The following PALD1 variants were observed in gnomAD, a reference collection of about 807,000 sequenced individuals.
PALD1 encodes phosphatase domain containing paladin 1, also known as paladin.
A neutral mutation model predicts 96.0 loss-of-function variants in PALD1; 57 were observed. That is an observed-to-expected ratio of 0.59 (90% CI 0.48 to 0.74). The LOEUF (loss-of-function observed/expected upper bound fraction) is 0.74. Ranked by LOEUF, PALD1 falls within the 30% of genes least tolerant of loss-of-function variation. The pLI is 0.00. For synonymous variants in PALD1, 464 were observed against 473.6 expected (o/e 0.98, Z 0.26); for missense variants, 1,063 against 1,143.7 (o/e 0.93, Z 1.02).
At chr10:70,482,318 G>C (rs1382030794) in intron 1 of PALD1, among the ~76,000 whole-genome samples, 1 of 152,228 alleles carries the variant, frequency 6.6e-6, no homozygotes, top group Non-Finnish European at 1.5e-5. Context: ...CCTCTGGGAG[G>C]GGAGCCAGTG....
Position 70,566,781 on chromosome 10 carries a change from G to T in PALD1, c.*48G>T, listed in dbSNP as rs922349800. 7 of 1,382,038 alleles carry T rather than the reference G, an allele frequency of 5.1e-6. No homozygotes were observed. The highest frequency in any genetic ancestry group is 1.3e-5 in the South Asian group (1 of 77,986). The allele number at this position is 1,382,038 out of a possible 1,614,324, so 85.6% of individuals were successfully genotyped here. On this transcript the variant is annotated 3_prime_UTR_variant, in exon 20 of 20. Coordinates refer to ENST00000263563, the MANE Select transcript of PALD1 (RefSeq NM_014431.3). ...CACCCACAGGGCCCCACGCAGGCCTGGGGTGTCTGAGGTGCTCTTGGCTGG... is the reference window on the plus strand; with the variant it reads ...CACCCACAGGGCCCCACGCAGGCCTTGGGTGTCTGAGGTGCTCTTGGCTGG...
chr10:70,458,901 T>C, the PALD1 span, among the ~76,000 whole-genome samples: 1 of 152,226 alleles, frequency 6.6e-6, no homozygotes, highest in Admixed American at 6.5e-5. Flanking sequence ...GGCCCCCATT[T>C]GGTGCCAGGC....
chr10:70,490,448 C>T (rs1425463777), intron 1 of PALD1, among the ~76,000 whole-genome samples: 1 of 152,154 alleles, frequency 6.6e-6, no homozygotes, highest in African/African-American at 2.4e-5. Flanking sequence ...AACTCCTGAG[C>T]TCAGGACTCC....
chr10:70,514,403 A>C (rs577557493), intron 1 of PALD1, among the ~76,000 whole-genome samples: 34 of 152,350 alleles, frequency 2.2e-4, no homozygotes, highest in Non-Finnish European at 2.6e-4. Context: ...ATATAAAAAC[A>C]CTTGAGAAAC....
At chr10:70,496,696 G>C (rs1846201317) in intron 1 of PALD1, among the ~76,000 whole-genome samples, 1 of 152,122 alleles carries the variant, frequency 6.6e-6, no homozygotes, top group Admixed American at 6.6e-5. Flanking sequence ...TTTGGTGCTT[G>C]TGGATAAAGC....
the PALD1 span, among the ~76,000 whole-genome samples, chr10:70,464,233 C>CA: frequency 0.073 from 8,849 of 121,422 alleles, 920 homozygotes; most frequent in East Asian, 0.53. Context: ...TTTTTTGAGA[C>CA]AGAGTTTCAC....
chr10:70,468,640 T>TCAGCC, the PALD1 span, among the ~76,000 whole-genome samples: 2 of 151,860 alleles, frequency 1.3e-5, no homozygotes, highest in African/African-American at 2.4e-5. Flanking sequence ...TGCCCAGGAC[T>TCAGCC]TCTTATGGAC....
chr10:70,524,909 T>G (rs900027158), intron 1 of PALD1, among the ~76,000 whole-genome samples: 2 of 152,204 alleles, frequency 1.3e-5, no homozygotes, highest in African/African-American at 4.8e-5. Flanking sequence ...GAGGGAGCCT[T>G]GCAGGAGGAC....
At position 70,506,982 on chromosome 10, in the gene PALD1, G is replaced by A. The variant is rs75048384; in HGVS notation, c.-29-18941G>A. 8.9e-3 allele frequency among the ~76,000 whole-genome samples: 1,350 copies of A among 152,220 alleles called. 20 individuals are homozygous for A. The highest frequency in any genetic ancestry group is 0.031 in the African/African-American group (1,304 of 41,524). On this transcript the variant is annotated intron_variant, in intron 1 of 19. Coordinates refer to ENST00000263563, the MANE Select transcript of PALD1 (RefSeq NM_014431.3). Reference sequence around the variant, plus strand: ...GGTGGCCACTTATGGACTGTATGTTGTACTGTGGGACCTGGACTAAAACCC... The same window carrying A: ...GGTGGCCACTTATGGACTGTATGTTATACTGTGGGACCTGGACTAAAACCC...
chr10:70,525,787 G>C, intron 1 of PALD1, 136 bp from the exon 2 acceptor site: 1 of 676,912 alleles, frequency 1.5e-6, no homozygotes. Flanking sequence ...CCACGGTGTA[G>C]GAGGCAAGCC....
At chr10:70,556,936 CT>C (rs1035405256) in intron 18 of PALD1, among the ~76,000 whole-genome samples, 2 of 152,332 alleles carry the variant, frequency 1.3e-5, no homozygotes, top group Middle Eastern at 3.4e-3. Context: ...CTCCAGGACC[CT>C]GCCTGGCACA....
At chr10:70,542,428 C>G (rs955251489) in intron 17 of PALD1, among the ~76,000 whole-genome samples, 1 of 152,204 alleles carries the variant, frequency 6.6e-6, no homozygotes, top group South Asian at 2.1e-4. Context: ...CTCTCCTATT[C>G]AGTAATGATT....
chr10:70,561,963 G>A (rs1002557165), intron 18 of PALD1, among the ~76,000 whole-genome samples: 2 of 152,212 alleles, frequency 1.3e-5, no homozygotes, highest in African/African-American at 4.8e-5. Flanking sequence ...GGAGGGCAGG[G>A]CCTGTGAGTA....
chr10:70,549,739 T>C (rs1242517630), intron 18 of PALD1, among the ~76,000 whole-genome samples: 1 of 152,128 alleles, frequency 6.6e-6, no homozygotes, highest in Non-Finnish European at 1.5e-5. Flanking sequence ...TCCCTGGACA[T>C]TGGAGAGGGA....
rs1243372672 is a variant in PALD1, at chr10:70,541,234, C to G, written c.2041C>G (p.His681Asp). ...GGTGGTGGCTGTCCTGGCCTTCTGGCACATCCAAGTACGTGTGGCCTCTCA... is the reference window on the plus strand; with the variant it reads ...GGTGGTGGCTGTCCTGGCCTTCTGGGACATCCAAGTACGTGTGGCCTCTCA... ...AMVVAVLAFW[H>D]IQGFPEVGEE... The change falls in exon 16 of 20, where the codon CAC (histidine) becomes GAC (aspartate). Residue 681 changes from histidine to aspartate, a missense_variant. By Grantham distance (81) the His-to-Asp change is moderately conservative. Coordinates refer to ENST00000263563, the MANE Select transcript of PALD1 (RefSeq NM_014431.3). The G allele has an allele frequency of 6.2e-7, 1 of 1,606,076 alleles. No homozygotes were observed. Among genetic ancestry groups the G allele is most frequent in the Non-Finnish European group, 8.5e-7 (1 of 1,176,636 alleles).
At chr10:70,509,728 A>G (rs4746045) in intron 1 of PALD1, among the ~76,000 whole-genome samples, 101,703 of 152,000 alleles carry the variant, frequency 0.67, 34,158 homozygotes, top group South Asian at 0.77. Context: ...TCCTGGGAGG[A>G]CCTTGAGGGC....
rs189259635 is a variant in PALD1, at chr10:70,548,797, G to T, written c.2262+1351G>T. 4.6e-5 allele frequency among the ~76,000 whole-genome samples: 7 copies of T among 152,360 alleles called. No individual in the cohort carries two copies. In the East Asian group the frequency reaches 1.3e-3, roughly 29 times the overall value. ...GGCCCAGCTTTTGCTCAGGGTCATGGATCAGGCCCTGATTGGGGCAAAGGG... is the reference window on the plus strand; with the variant it reads ...GGCCCAGCTTTTGCTCAGGGTCATGTATCAGGCCCTGATTGGGGCAAAGGG... On this transcript the variant is annotated intron_variant, in intron 18 of 19. Coordinates refer to ENST00000263563, the MANE Select transcript of PALD1 (RefSeq NM_014431.3).
At chr10:70,467,147 G>T in the PALD1 span, among the ~76,000 whole-genome samples, 6 of 152,238 alleles carry the variant, frequency 3.9e-5, no homozygotes, top group African/African-American at 1.4e-4. Flanking sequence ...CTTCTGGGGG[G>T]TATGGGAGGT....
chr10:70,494,548 A>C (rs554211826), intron 1 of PALD1, among the ~76,000 whole-genome samples: 57 of 152,364 alleles, frequency 3.7e-4, no homozygotes, highest in African/African-American at 1.2e-3. Flanking sequence ...CCCTGACTCC[A>C]GAACAGTCAC....
Sources: gnomAD v4.1 joint callset for allele counts (sites outside exome capture counted in the v4.1 genomes callset) on GRCh38, gnomAD v4.1.1 for gene constraint, MANE v1.5 for transcripts, NCBI Gene and HGNC (gene_info 2026-07-23, HGNC 2026-07-21) for gene names.